The following CCNJL variants were observed in gnomAD, a reference collection of about 807,000 sequenced individuals.
CCNJL encodes cyclin-J-like protein.
CCNJL carries 33 observed loss-of-function variants against 33.4 expected under a neutral mutation model. The ratio of observed to expected loss-of-function variants is 0.99; its 90% CI spans 0.75 to 1.32. CCNJL has a LOEUF of 1.32. Among genes scored for constraint, CCNJL ranks in the 40% most tolerant of loss-of-function variants. The pLI is 0.00. For synonymous variants in CCNJL, 227 were observed against 220.9 expected (o/e 1.03, Z -0.24); for missense variants, 512 against 499.7 (o/e 1.02, Z -0.23).
chr5:160,286,299 C>T (rs573869170), intron 2 of CCNJL, among the ~76,000 whole-genome samples: 33 of 152,312 alleles, frequency 2.2e-4, no homozygotes, highest in African/African-American at 7.2e-4. Flanking sequence ...CTGGGAGAAG[C>T]GTCCTTTGCC....
chr5:160,265,137 C>T (rs1029448702), intron 3 of CCNJL, among the ~76,000 whole-genome samples: 3 of 152,182 alleles, frequency 2.0e-5, no homozygotes, highest in Non-Finnish European at 4.4e-5. Flanking sequence ...CGGCCCACCC[C>T]CAACTAGACA....
intron 1 of CCNJL, among the ~76,000 whole-genome samples, chr5:160,320,945 TTCCC>T (rs1763443976): frequency 6.7e-6 from 1 of 148,232 alleles, no homozygotes; most frequent in Admixed American, 6.7e-5. Flanking sequence ...CCTTCCTTCC[TTCCC>T]TCCTTCTCTC....
At chr5:160,286,739 G>C (rs1382042325) in intron 2 of CCNJL, among the ~76,000 whole-genome samples, 3 of 152,096 alleles carry the variant, frequency 2.0e-5, no homozygotes, top group Non-Finnish European at 4.4e-5. Context: ...TGCTGGAAGG[G>C]GCTGGTCTCA....
rs1761216020 is a variant in CCNJL at position 160,259,405 on chromosome 5, T to C, written c.583+64A>G. 4.0e-6 allele frequency: 6 copies of C among 1,490,798 alleles called. No homozygotes were observed. In the South Asian group the frequency reaches 7.6e-5, roughly 19 times the overall value. 92.3% of individuals were successfully genotyped at this position (1,490,798 alleles called of 1,614,324 possible). ...GATGGACATGCCTTTTAGAGCCGCC[T>C]GACCCCGACCCCTGGGTGGTGGGGA... On this transcript the variant is annotated intron_variant, in intron 4 of 5. Transcript: ENST00000257536.
chr5:160,275,085 G>T (rs1343863455), intron 3 of CCNJL, among the ~76,000 whole-genome samples: 194 of 113,042 alleles, frequency 1.7e-3, no homozygotes, highest in African/African-American at 6.3e-3. Flanking sequence ...GGATTTGTGT[G>T]TTTTTTTTTT....
At chr5:160,286,626 A>T (rs774016908) in intron 2 of CCNJL, among the ~76,000 whole-genome samples, 1 of 152,036 alleles carries the variant, frequency 6.6e-6, no homozygotes, top group Non-Finnish European at 1.5e-5. Context: ...TGACAGAGTG[A>T]GACTCTGTCT....
At chr5:160,306,052 T>C (rs1265461766) in intron 2 of CCNJL, among the ~76,000 whole-genome samples, 2 of 152,092 alleles carry the variant, frequency 1.3e-5, no homozygotes, top group East Asian at 3.9e-4. Flanking sequence ...GGCGGGCGGA[T>C]CACCTGAGGT....
At chr5:160,326,698 A>C in intron 1 of CCNJL, 1 of 908,230 alleles carries the variant, frequency 1.1e-6, no homozygotes, top group Admixed American at 1.8e-5. Flanking sequence ...CCACCATGGC[A>C]TACCATGGCC....
intron 3 of CCNJL, 48 bp downstream of exon 3, chr5:160,280,477 C>A: frequency 6.9e-7 from 1 of 1,456,540 alleles, no homozygotes; most frequent in African/African-American, 1.4e-5. Context: ...GCGCACTGAG[C>A]GGGAGGAGAC....
At chr5:160,290,617 C>A (rs1401733821) in intron 2 of CCNJL, among the ~76,000 whole-genome samples, 1 of 151,888 alleles carries the variant, frequency 6.6e-6, no homozygotes, top group Non-Finnish European at 1.5e-5. Context: ...TCTGTGAGAT[C>A]CCCCCCAAGC....
intron 3 of CCNJL, among the ~76,000 whole-genome samples, chr5:160,267,089 A>C (rs1306810231): frequency 6.6e-6 from 1 of 152,228 alleles, no homozygotes; most frequent in Non-Finnish European, 1.5e-5. Context: ...TCCACACACC[A>C]GGATGTGAGC....
intron 4 of CCNJL, chr5:160,258,681 T>A (rs1761182405): frequency 1.2e-6 from 1 of 807,362 alleles, no homozygotes; most frequent in Non-Finnish European, 2.2e-6. Flanking sequence ...TGTTTTACTT[T>A]AAATAAATAT....
intron 4 of CCNJL, among the ~76,000 whole-genome samples, chr5:160,257,989 G>C (rs371483433): frequency 6.8e-4 from 103 of 151,964 alleles, no homozygotes; most frequent in African/African-American, 2.3e-3. Context: ...TGAGACTATA[G>C]GCGCCCACCA....
chr5:160,309,133 G>C (rs184051614), intron 2 of CCNJL, among the ~76,000 whole-genome samples: 20 of 152,344 alleles, frequency 1.3e-4, no homozygotes, highest in Non-Finnish European at 2.6e-4. Context: ...GATGACATTG[G>C]AGGTCTTTAA....
At chr5:160,256,912 C>T (rs1761089356) in intron 4 of CCNJL, among the ~76,000 whole-genome samples, 1 of 149,826 alleles carries the variant, frequency 6.7e-6, no homozygotes, top group South Asian at 2.1e-4. Context: ...GGCAAGACTT[C>T]ATCTCAAAAA....
In CCNJL at chr5:160,249,889, T is replaced by C. The variant is rs1580933167; in HGVS notation, c.*3489A>G. The C allele has an allele frequency of 6.6e-6, 1 of 152,002 alleles. No individual in the cohort carries two copies. The highest frequency in any genetic ancestry group is 6.6e-5 in the Admixed American group (1 of 15,242). 9.4% of individuals were successfully genotyped at this position (152,002 alleles called of 1,614,324 possible). A position where few individuals can be genotyped will look rare whatever the true frequency, so the allele number is the denominator to read the frequency against. ...ATAAAAAACAAACAAAGAAATCATA[T>C]GCCTGAATGACCAAGAAGCTGGCTA... On this transcript the variant is annotated 3_prime_UTR_variant, in exon 6 of 6. Coordinates refer to ENST00000257536, the MANE Select transcript of CCNJL (RefSeq NM_001308173.3).
chr5:160,253,455 G>T lies in CCNJL; in HGVS notation c.1087C>A (p.His363Asn). 2 of 1,613,368 alleles carry T rather than the reference G, an allele frequency of 1.2e-6. No homozygotes were observed. The highest frequency in any genetic ancestry group is 1.7e-6 in the Non-Finnish European group (2 of 1,179,612). ...CTTCCATAGGTGGTGGCGAGGCAGT[G>T]CCTGGGCTCAGCTGCAATGGCCATA... ...MHMAIAAEPR[H>N]CLATTYGSSY... The change falls in exon 6 of 6, where the codon CAC becomes AAC. Residue 363 changes from histidine to asparagine, a missense_variant. Coordinates refer to ENST00000257536, the MANE Select transcript of CCNJL (RefSeq NM_001308173.3).
chr5:160,255,724 G>T lies in CCNJL; in HGVS notation c.584-16C>A, dbSNP rs749386280. ...AATATGTGATCTGAAAGAAAGCCACGGAGGGAGTCAGCATCCAAATCCTCC... is the reference window on the plus strand; with the variant it reads ...AATATGTGATCTGAAAGAAAGCCACTGAGGGAGTCAGCATCCAAATCCTCC... On this transcript the variant is annotated splice_polypyrimidine_tract_variant and intron_variant, in intron 4 of 5. Coordinates refer to ENST00000257536, the MANE Select transcript of CCNJL (RefSeq NM_001308173.3). The T allele has an allele frequency of 1.2e-6, 2 of 1,611,664 alleles. No individual in the cohort carries two copies. The highest frequency in any genetic ancestry group is 2.2e-5 in the South Asian group (2 of 90,936).
intron 3 of CCNJL, among the ~76,000 whole-genome samples, chr5:160,278,067 C>A (rs1218972754): frequency 6.6e-6 from 1 of 152,126 alleles, no homozygotes; most frequent in Non-Finnish European, 1.5e-5. Flanking sequence ...ACCACCATGC[C>A]CAGCTAATTT....
Sources: allele counts gnomAD v4.1 joint callset (sites outside exome capture counted in the v4.1 genomes callset), GRCh38; gene constraint gnomAD v4.1.1; transcripts MANE v1.5; gene names NCBI Gene and HGNC (gene_info 2026-07-23, HGNC 2026-07-21).